The following RBFOX1 variants were observed in gnomAD, a reference collection of about 807,000 sequenced individuals.
RBFOX1 encodes the protein RNA binding fox-1 homolog 1, also known as RNA binding protein fox-1 homolog 1.
RBFOX1 carries 8 observed loss-of-function variants against 57.7 expected under a neutral mutation model. That is an observed-to-expected ratio of 0.14 (90% CI 0.08 to 0.25). The LOEUF (loss-of-function observed/expected upper bound fraction) is 0.25. Among genes scored for constraint, RBFOX1 ranks in the 10% least tolerant of loss-of-function variants. The probability of loss-of-function intolerance (pLI) is 1.00; values close to 1 mark genes in which losing one functional copy is unlikely to be tolerated. For synonymous variants in RBFOX1, 326 were observed against 222.4 expected, an observed-to-expected ratio of 1.47 and a Z score of -4.15; for missense variants, 611 against 548.5, an observed-to-expected ratio of 1.11 and a Z score of -1.14.
intron 13 of RBFOX1, among the ~76,000 whole-genome samples, chr16:7,676,351 T>C (rs2073263724): frequency 6.6e-6 from 1 of 152,198 alleles, no homozygotes; most frequent in Non-Finnish European, 1.5e-5. Flanking sequence ...ATTCACTTTA[T>C]AAGAAAATAA....
At chr16:6,319,704 G>A (rs1249102625) in intron 2 of RBFOX1, among the ~76,000 whole-genome samples, 1 of 152,148 alleles carries the variant, frequency 6.6e-6, no homozygotes, top group Non-Finnish European at 1.5e-5. Context: ...CTGTTTTCTA[G>A]CTCTCCACAT....
At chr16:6,886,217 A>G (rs117491382) in intron 3 of RBFOX1, among the ~76,000 whole-genome samples, 1,828 of 151,976 alleles carry the variant, frequency 0.012, 22 homozygotes, top group Non-Finnish European at 0.02. Context: ...GTGTGCTACC[A>G]CGCTTAGCTA....
intron 3 of RBFOX1, among the ~76,000 whole-genome samples, chr16:6,692,314 G>C (rs1186178132): frequency 1.5e-5 from 2 of 135,506 alleles, no homozygotes; most frequent in Non-Finnish European, 3.1e-5. Context: ...TTAAAGAGCA[G>C]ATGTCGTTTT....
intron 4 of RBFOX1, among the ~76,000 whole-genome samples, chr16:7,318,720 C>G (rs1487152470): frequency 2.0e-5 from 3 of 152,252 alleles, no homozygotes; most frequent in Admixed American, 1.3e-4. Context: ...CTGCTATATT[C>G]TTGATTTTGC....
intron 15 of RBFOX1, chr16:7,709,352 G>C (rs911407229): frequency 7.9e-6 from 8 of 1,006,682 alleles, no homozygotes; most frequent in African/African-American, 5.0e-5. Context: ...TTCTAATTTT[G>C]CAAGTCTCAC....
intron 4 of RBFOX1, among the ~76,000 whole-genome samples, chr16:5,945,618 ACAGAGCCAGGGC>A (rs34533083): frequency 0.14 from 20,887 of 152,118 alleles, 2,752 homozygotes; most frequent in African/African-American, 0.34. Flanking sequence ...TCCTAGGTTC[ACAGAGCCAGGGC>A]CAGAGCCAGG....
intron 4 of RBFOX1, among the ~76,000 whole-genome samples, chr16:7,090,080 A>T (rs1206216495): frequency 6.6e-6 from 1 of 152,144 alleles, no homozygotes; most frequent in Non-Finnish European, 1.5e-5. Context: ...TCTAGTCTGT[A>T]AATAAAGATA....
intron 1 of RBFOX1, among the ~76,000 whole-genome samples, chr16:6,165,594 C>T (rs766668930): frequency 2.0e-5 from 3 of 152,148 alleles, no homozygotes; most frequent in Non-Finnish European, 2.9e-5. Flanking sequence ...TTTCAACCTC[C>T]CTAAAATGTC....
intron 1 of RBFOX1, among the ~76,000 whole-genome samples, chr16:6,188,593 T>G (rs993366119): frequency 1.3e-5 from 2 of 152,166 alleles, no homozygotes; most frequent in Non-Finnish European, 2.9e-5. Flanking sequence ...TCTGCTTACA[T>G]TTTCTGCTAA....
intron 1 of RBFOX1, among the ~76,000 whole-genome samples, chr16:5,443,498 CA>C (rs1027209688): frequency 1.3e-5 from 2 of 152,116 alleles, no homozygotes; most frequent in African/African-American, 4.8e-5. Context: ...CCACCACGCC[CA>C]GCTAATATTT....
chr16:5,409,486 C>A (rs1195817823), intron 1 of RBFOX1, among the ~76,000 whole-genome samples: 1 of 152,224 alleles, frequency 6.6e-6, no homozygotes, highest in African/African-American at 2.4e-5. Flanking sequence ...GCTTCAAAAT[C>A]ATTGATTCTT....
chr16:6,631,341 A>C (rs190615161), intron 2 of RBFOX1, among the ~76,000 whole-genome samples: 1 of 152,266 alleles, frequency 6.6e-6, no homozygotes, highest in East Asian at 1.9e-4. Flanking sequence ...AGAAAAAGGA[A>C]AGTAGAACCT....
chr16:6,527,800 C>A (rs1310002355), intron 2 of RBFOX1, among the ~76,000 whole-genome samples: 1 of 152,124 alleles, frequency 6.6e-6, no homozygotes, highest in African/African-American at 2.4e-5. Context: ...GCTGCTGCCT[C>A]TGTAGGGTAG....
chr16:5,418,131 T>A (rs1188658924), intron 1 of RBFOX1, among the ~76,000 whole-genome samples: 3 of 152,156 alleles, frequency 2.0e-5, no homozygotes, highest in Non-Finnish European at 4.4e-5. Flanking sequence ...GAAATGTCCT[T>A]GAATGTGCCA....
At chr16:6,589,105 A>AG (rs2097673384) in intron 2 of RBFOX1, among the ~76,000 whole-genome samples, 1 of 151,256 alleles carries the variant, frequency 6.6e-6, no homozygotes. Flanking sequence ...CTATATTACA[A>AG]AAAAACCCCT....
In RBFOX1 at chr16:7,665,103, T is replaced by C. The variant is rs2068838625; in HGVS notation, c.930+135T>C. The C allele has an allele frequency of 7.0e-6, 11 of 1,562,514 alleles. No individual in the cohort carries two copies. In the East Asian group the frequency reaches 2.3e-4, roughly 32 times the overall value. On this transcript the variant is annotated intron_variant, in intron 13 of 15. Transcript: ENST00000550418. ...CTGTAGGAAATAATTCCGTGGTTTG[T>C]CTTGCAGGACAGAAAGCCTTCTGCT...
chr16:7,072,922 G>A (rs139481849), intron 4 of RBFOX1, among the ~76,000 whole-genome samples: 1 of 152,330 alleles, frequency 6.6e-6, no homozygotes, highest in Non-Finnish European at 1.5e-5. Flanking sequence ...GGTTGCTACA[G>A]AAAGGACAGA....
chr16:6,708,233 A>G (rs940365800), intron 3 of RBFOX1, among the ~76,000 whole-genome samples: 11 of 151,870 alleles, frequency 7.2e-5, no homozygotes, highest in Non-Finnish European at 1.3e-4. Context: ...GGTCACTCTT[A>G]TTTATTATGT....
intron 4 of RBFOX1, among the ~76,000 whole-genome samples, chr16:7,151,021 C>T (rs932955130): frequency 1.6e-4 from 25 of 152,252 alleles, no homozygotes; most frequent in Non-Finnish European, 2.5e-4. Flanking sequence ...ACGCTCCTTT[C>T]CAAAATTATT....
Sources: allele counts gnomAD v4.1 joint callset (sites outside exome capture counted in the v4.1 genomes callset), GRCh38; gene constraint gnomAD v4.1.1; transcripts MANE v1.5; gene names NCBI Gene and HGNC (gene_info 2026-07-23, HGNC 2026-07-21).